The following ANKS1B variants were observed in gnomAD, a reference collection of about 807,000 sequenced individuals.
The protein encoded by ANKS1B is ankyrin repeat and sterile alpha motif domain-containing protein 1B.
A neutral mutation model predicts 148.3 loss-of-function variants in ANKS1B; 36 were observed. The observed-to-expected ratio is 0.24, with a 90% CI of 0.19 to 0.32. ANKS1B has a LOEUF of 0.32. Ranked by LOEUF, ANKS1B falls within the 10% of genes least tolerant of loss-of-function variation. The pLI, the probability that ANKS1B is intolerant of heterozygous loss-of-function variation, is 1.00. For synonymous variants in ANKS1B, 542 were observed against 560.8 expected, an observed-to-expected ratio of 0.97 and a Z score of 0.47; for missense variants, 1,157 against 1,542.6, an observed-to-expected ratio of 0.75 and a Z score of 4.19.
chr12:99,689,914 GTTA>G (rs1172725855), intron 8 of ANKS1B, among the ~76,000 whole-genome samples: 1 of 152,160 alleles, frequency 6.6e-6, no homozygotes, highest in African/African-American at 2.4e-5. Context: ...CAGAGGACCT[GTTA>G]TTAGTCCATT....
At chr12:98,768,372 T>C (rs1031407039) in intron 25 of ANKS1B, among the ~76,000 whole-genome samples, 15 of 140,788 alleles carry the variant, frequency 1.1e-4, no homozygotes, top group African/African-American at 4.0e-4. Context: ...GATCATCAAA[T>C]GTAACATTTT....
intron 9 of ANKS1B, among the ~76,000 whole-genome samples, chr12:99,625,751 T>C (rs1360987274): frequency 1.3e-5 from 2 of 152,050 alleles, no homozygotes; most frequent in Non-Finnish European, 2.9e-5. Context: ...AGTCAAGAAG[T>C]AAAGAAAACG....
chr12:99,133,251 C>A (rs1600701434), intron 15 of ANKS1B, among the ~76,000 whole-genome samples: 1 of 151,874 alleles, frequency 6.6e-6, no homozygotes, highest in African/African-American at 2.4e-5. Flanking sequence ...CAGGGTTTCA[C>A]CATGTTGGTC....
chr12:99,052,450 G>T (rs180766122), intron 17 of ANKS1B, among the ~76,000 whole-genome samples: 1 of 148,746 alleles, frequency 6.7e-6, no homozygotes, highest in Non-Finnish European at 1.5e-5. Flanking sequence ...ACAAGGGGCC[G>T]GGCGCGGTGG....
At chr12:99,797,619 G>C (rs535977335) in intron 4 of ANKS1B, among the ~76,000 whole-genome samples, 1 of 151,456 alleles carries the variant, frequency 6.6e-6, no homozygotes, top group Non-Finnish European at 1.5e-5. Context: ...AACTTATCCA[G>C]TAACCACACA....
chr12:99,214,558 G>GCCTGCAGAAGGCAGACAA (rs2083862046), intron 14 of ANKS1B, among the ~76,000 whole-genome samples: 1 of 152,114 alleles, frequency 6.6e-6, no homozygotes, highest in Admixed American at 6.5e-5. Context: ...CTTCTCCTTT[G>GCCTGCAGAAGGCAGACAA]CCTTCTGCCA....
chr12:99,409,317 A>G (rs2094611820), intron 11 of ANKS1B, among the ~76,000 whole-genome samples: 1 of 152,162 alleles, frequency 6.6e-6, no homozygotes, highest in African/African-American at 2.4e-5. Context: ...TTGAACTCAC[A>G]GTGGTAGAGA....
At chr12:99,853,486 C>A (rs1368763456) in intron 1 of ANKS1B, among the ~76,000 whole-genome samples, 1 of 152,112 alleles carries the variant, frequency 6.6e-6, no homozygotes, top group Admixed American at 6.5e-5. Flanking sequence ...AGAGAAATAA[C>A]CCTCACTGCA....
chr12:99,271,926 C>T (rs115743243), intron 12 of ANKS1B, among the ~76,000 whole-genome samples: 48 of 151,868 alleles, frequency 3.2e-4, no homozygotes, highest in African/African-American at 1.1e-3. Context: ...ATCAAAGGTG[C>T]ATGTGGGAAT....
chr12:99,639,867 C>T (rs1292042403), intron 9 of ANKS1B, among the ~76,000 whole-genome samples: 2 of 152,066 alleles, frequency 1.3e-5, no homozygotes, highest in Non-Finnish European at 1.5e-5. Context: ...CTAGAACAAC[C>T]TCTTAACAAA....
chr12:99,266,261 A>G (rs950421157), intron 12 of ANKS1B, among the ~76,000 whole-genome samples: 3 of 152,286 alleles, frequency 2.0e-5, no homozygotes, highest in Admixed American at 1.3e-4. Flanking sequence ...TGAGGCTTAC[A>G]TGGTTTAAGT....
At chr12:99,800,980 G>A (rs1404883453) in intron 4 of ANKS1B, among the ~76,000 whole-genome samples, 1 of 152,036 alleles carries the variant, frequency 6.6e-6, no homozygotes, top group East Asian at 1.9e-4. Context: ...AAGAAGATGA[G>A]GGCAGTTAAC....
intron 4 of ANKS1B, among the ~76,000 whole-genome samples, chr12:99,784,714 ATT>A (rs2064811306): frequency 6.6e-6 from 1 of 152,156 alleles, no homozygotes; most frequent in Admixed American, 6.5e-5. Context: ...TAGAATTTCC[ATT>A]TCTAACAAAT....
At chr12:99,369,791 T>TAGATAGACGGAC (rs879173702) in intron 12 of ANKS1B, among the ~76,000 whole-genome samples, 5,065 of 148,878 alleles carry the variant, frequency 0.034, 129 homozygotes, top group African/African-American at 0.05. Flanking sequence ...GATAGATAGA[T>TAGATAGACGGAC]GGACGGACGG....
chr12:99,851,641 C>T (rs1479024317), intron 1 of ANKS1B, among the ~76,000 whole-genome samples: 4 of 151,928 alleles, frequency 2.6e-5, no homozygotes, highest in Admixed American at 2.6e-4. Flanking sequence ...CACAAAGAAG[C>T]AAGTAATATT....
chr12:99,422,503 C>T (rs909429322), intron 11 of ANKS1B, among the ~76,000 whole-genome samples: 1 of 152,080 alleles, frequency 6.6e-6, no homozygotes, highest in Non-Finnish European at 1.5e-5. Flanking sequence ...CAGCTGCCAC[C>T]TGAAGGAGAT....
At chr12:99,066,878 GA>G (rs2044540957) in intron 16 of ANKS1B, among the ~76,000 whole-genome samples, 1 of 152,202 alleles carries the variant, frequency 6.6e-6, no homozygotes, top group African/African-American at 2.4e-5. Context: ...GTCTCAGCTT[GA>G]AGAGGACTGT....
intron 9 of ANKS1B, among the ~76,000 whole-genome samples, chr12:99,577,348 C>T (rs1236755716): frequency 6.8e-6 from 1 of 148,002 alleles, no homozygotes; most frequent in Non-Finnish European, 1.5e-5. Context: ...CAAACCAACC[C>T]CGATGCTAGC....
chr12:99,155,513 G>A (rs1375284942), intron 14 of ANKS1B, among the ~76,000 whole-genome samples: 1 of 151,934 alleles, frequency 6.6e-6, no homozygotes, highest in African/African-American at 2.4e-5. Flanking sequence ...TTCTAAATTA[G>A]CTATAAAGGT....
Sources: allele counts gnomAD v4.1 joint callset (sites outside exome capture counted in the v4.1 genomes callset), GRCh38; gene constraint gnomAD v4.1.1; transcripts MANE v1.5; gene names NCBI Gene and HGNC (gene_info 2026-07-23, HGNC 2026-07-21).